The following BTC variants were observed in gnomAD, a reference collection of about 807,000 sequenced individuals.
BTC encodes the protein betacellulin, also known as probetacellulin.
A neutral mutation model predicts 18.1 loss-of-function variants in BTC; 13 were observed. That is an observed-to-expected ratio of 0.72 (90% CI 0.47 to 1.14). The LOEUF is 1.14. Among genes scored for constraint, BTC ranks in the 50% most tolerant of loss-of-function variants. The pLI is 0.00. For synonymous variants in BTC, 83 were observed against 79.4 expected, an observed-to-expected ratio of 1.05 and a Z score of -0.24; for missense variants, 247 against 224.2, an observed-to-expected ratio of 1.10 and a Z score of -0.65.
At chr4:74,770,000 A>G (rs1270933869) in intron 2 of BTC, 58 bp downstream of exon 2, 7 of 1,368,874 alleles carry the variant, frequency 5.1e-6, no homozygotes, top group South Asian at 1.2e-5. Flanking sequence ...TATTATGAGT[A>G]CTATTATTAT....
At chr4:74,769,432 C>T (rs1724983278) in intron 2 of BTC, among the ~76,000 whole-genome samples, 1 of 152,092 alleles carries the variant, frequency 6.6e-6, no homozygotes, top group Non-Finnish European at 1.5e-5. Flanking sequence ...TGCATAGTGT[C>T]TATGACTGCT....
intron 1 of BTC, among the ~76,000 whole-genome samples, chr4:74,781,384 CGTGTGTGTGTGT>C (rs139134613): frequency 7.9e-6 from 1 of 126,476 alleles, no homozygotes; most frequent in African/African-American, 3.5e-5. Context: ...TCTCTCGTCA[CGTGTGTGTGTGT>C]GTGTGTGTGT....
In BTC at chr4:74,761,923, C is replaced by T. The variant is rs1553957379; in HGVS notation, c.164-5947G>A. Among the ~76,000 whole-genome samples, 3 of 152,318 alleles carry T rather than the reference C, an allele frequency of 2.0e-5. 1 individual carries two copies. The East Asian group carries it at 5.8e-4, about 29-fold the overall frequency. ...GAAGGCCTTATACTCCTTGGCAAGG[C>T]TCTATTATACATTACTCATTACCTC... On this transcript the variant is annotated intron_variant, in intron 2 of 5. Transcript: ENST00000395743.
chr4:74,754,548 T>C (rs1361793277), intron 3 of BTC, among the ~76,000 whole-genome samples: 4 of 152,134 alleles, frequency 2.6e-5, no homozygotes, highest in African/African-American at 9.7e-5. Context: ...TCTTAAACCA[T>C]AGCAAGAATA....
In BTC at chr4:74,755,852, C is replaced by T. The variant is rs1553956617; in HGVS notation, c.281+7G>A. The T allele has an allele frequency of 6.2e-7, 1 of 1,613,504 alleles. No individual in the cohort carries two copies. The highest frequency in any genetic ancestry group is 1.7e-5 in the Admixed American group (1 of 60,002). Reference sequence around the variant, plus strand: ...TTTTGCTTGCTGGCTGAGGACACTCCACTTACACACAGGAGGGCGTCTGCT... The same window carrying T: ...TTTTGCTTGCTGGCTGAGGACACTCTACTTACACACAGGAGGGCGTCTGCT... On this transcript the variant is annotated splice_region_variant and intron_variant, in intron 3 of 5. Coordinates refer to ENST00000395743, the MANE Select transcript of BTC (RefSeq NM_001729.4).
chr4:74,775,035 T>C (rs1287519873), intron 1 of BTC, among the ~76,000 whole-genome samples: 1 of 152,140 alleles, frequency 6.6e-6, no homozygotes, highest in African/African-American at 2.4e-5. Context: ...GATAACTGTC[T>C]GGATTGTGGT....
intron 1 of BTC, among the ~76,000 whole-genome samples, chr4:74,791,909 T>C (rs6842284): frequency 0.56 from 85,382 of 151,400 alleles, 26,266 homozygotes; most frequent in African/African-American, 0.82. Context: ...CATGAAGTGG[T>C]AGAGCTGGAA....
At chr4:74,772,123 C>T (rs1284179639) in intron 1 of BTC, among the ~76,000 whole-genome samples, 1 of 152,156 alleles carries the variant, frequency 6.6e-6, no homozygotes, top group Non-Finnish European at 1.5e-5. Flanking sequence ...AAAAACCTAT[C>T]CATATAGTCA....
intron 2 of BTC, among the ~76,000 whole-genome samples, chr4:74,763,667 C>G (rs1724823298): frequency 6.6e-6 from 1 of 151,920 alleles, no homozygotes; most frequent in African/African-American, 2.4e-5. Flanking sequence ...AAAAAAGAAT[C>G]AGGGATTAAT....
chr4:74,765,854 T>A (rs1459710677), intron 2 of BTC, among the ~76,000 whole-genome samples: 3 of 152,132 alleles, frequency 2.0e-5, no homozygotes, highest in Non-Finnish European at 1.5e-5. Context: ...ATGACAGGGA[T>A]ATGTTTGGAG....
rs535813090 is a variant in BTC at position 74,779,842 on chromosome 4, T to A, written c.65-9686A>T. Reference sequence around the variant, plus strand: ...CAACTTAGCATCGAATTTGTTATCATCTTTATCAATAAAACCATTTGCAGA... The same window carrying A: ...CAACTTAGCATCGAATTTGTTATCAACTTTATCAATAAAACCATTTGCAGA... On this transcript the variant is annotated intron_variant, in intron 1 of 5. Coordinates refer to ENST00000395743, the MANE Select transcript of BTC (RefSeq NM_001729.4). Among the ~76,000 whole-genome samples the A allele has an allele frequency of 5.9e-5, 9 of 152,280 alleles. No homozygotes were observed. The South Asian group carries it at 6.2e-4, about 11-fold the overall frequency.
Position 74,794,360 on chromosome 4 carries a change from C to G in BTC, c.-35G>C. The stretch of plus-strand genomic sequence containing the variant: ...TCTGCCGGGCCGGGCAGCCCCTAGA[C>G]AAGTCTCCCTCCTTCTTCGCCCCCT... On this transcript the variant is annotated 5_prime_UTR_variant, in exon 1 of 6. Transcript: ENST00000395743. The G allele has an allele frequency of 6.6e-7, 1 of 1,517,398 alleles. No individual in the cohort carries two copies. Among genetic ancestry groups the G allele is most frequent in the Non-Finnish European group, 8.8e-7 (1 of 1,132,500 alleles). 94.0% of individuals were successfully genotyped at this position (1,517,398 alleles called of 1,614,324 possible).
At chr4:74,786,681 C>T (rs185537301) in intron 1 of BTC, among the ~76,000 whole-genome samples, 2 of 152,330 alleles carry the variant, frequency 1.3e-5, no homozygotes, top group Admixed American at 1.3e-4. Flanking sequence ...AAATAAACCA[C>T]TGGAGAGTGT....
At chr4:74,765,530 T>C (rs1014022636) in intron 2 of BTC, among the ~76,000 whole-genome samples, 1 of 152,094 alleles carries the variant, frequency 6.6e-6, no homozygotes, top group South Asian at 2.1e-4. Flanking sequence ...CATCTGATAG[T>C]AGTCCAAGAG....
chr4:74,762,975 T>G (rs1418429955), intron 2 of BTC, among the ~76,000 whole-genome samples: 1 of 152,200 alleles, frequency 6.6e-6, no homozygotes, highest in Non-Finnish European at 1.5e-5. Flanking sequence ...TGTTTTCTAA[T>G]AGGCTACTAG....
rs977227669 is a variant in BTC at position 74,750,816 on chromosome 4, A to G, written c.282-97T>C. 4.3e-5 allele frequency: 63 copies of G among 1,452,414 alleles called. No homozygotes were observed. In the African/African-American group the frequency reaches 8.4e-4, roughly 19 times the overall value. 90.0% of individuals were successfully genotyped at this position (1,452,414 alleles called of 1,614,324 possible). ...AAATTAACAGTTCTCATTACTTGAA[A>G]TTAATAAAGAACACAGTTCCCTTTT... On this transcript the variant is annotated intron_variant, in intron 3 of 5. Transcript: ENST00000395743.
intron 1 of BTC, among the ~76,000 whole-genome samples, chr4:74,789,156 A>G (rs1725557210): frequency 6.6e-6 from 1 of 152,230 alleles, no homozygotes; most frequent in Non-Finnish European, 1.5e-5. Context: ...ATAACTGTAA[A>G]CAATCCCTGC....
intron 2 of BTC, among the ~76,000 whole-genome samples, chr4:74,767,109 T>C (rs1724920778): frequency 1.5e-5 from 2 of 136,786 alleles, no homozygotes; most frequent in Non-Finnish European, 3.3e-5. Flanking sequence ...GGAATCTAAA[T>C]TGGAAAAAAA....
At chr4:74,793,711 T>G (rs58706522) in intron 1 of BTC, among the ~76,000 whole-genome samples, 11,071 of 152,236 alleles carry the variant, frequency 0.073, 507 homozygotes, top group Admixed American at 0.12. Context: ...AGAGACCCTC[T>G]GGAGGGCTCT....
Sources: allele counts gnomAD v4.1 joint callset (sites outside exome capture counted in the v4.1 genomes callset), GRCh38; gene constraint gnomAD v4.1.1; transcripts MANE v1.5; gene names NCBI Gene and HGNC (gene_info 2026-07-23, HGNC 2026-07-21).